The following ZNF462 variants were observed in gnomAD, a reference collection of about 807,000 sequenced individuals.
ZNF462 encodes zinc finger protein 462.
In ZNF462, 10 loss-of-function variants were observed where a neutral mutation model predicts 201.9. That is an observed-to-expected ratio of 0.05 (90% CI 0.03 to 0.08). ZNF462 has a LOEUF of 0.08. ZNF462 is among the 10% of genes least tolerant of loss of function. The pLI, the probability that ZNF462 is intolerant of heterozygous loss-of-function variation, is 1.00. For missense variants in ZNF462, 2,523 were observed against 3,168.3 expected (o/e 0.80, Z 4.89); for synonymous variants, 1,227 against 1,193.3 (o/e 1.03, Z -0.58).
intron 7 of ZNF462, among the ~76,000 whole-genome samples, chr9:106,947,183 C>T (rs993772761): frequency 3.9e-5 from 6 of 152,254 alleles, no homozygotes; most frequent in South Asian, 4.1e-4. Flanking sequence ...AAACAGTTTC[C>T]GAGTCGTCAA....
rs2131912032 is a variant in ZNF462, at chr9:106,962,275, C to T, written c.6428-9730C>T. On this transcript the variant is annotated intron_variant, in intron 7 of 12. Coordinates refer to ENST00000277225, the MANE Select transcript of ZNF462 (RefSeq NM_021224.6). This position sits in a 1 kb window ranked among gnomAD's most constrained non-coding sequence, Gnocchi z 4.6. ...AGAGTTTCTCAGGAGGCTGAACCAA[C>T]AGAGCTTTTGACTCATTGAATGTGT... Among the ~76,000 whole-genome samples the T allele has an allele frequency of 6.6e-6, 1 of 152,116 alleles. No homozygotes were observed. Among genetic ancestry groups the T allele is most frequent in the South Asian group, 2.1e-4 (1 of 4,824 alleles).
In ZNF462 at chr9:106,974,207, T is replaced by C. The variant is rs1826821252; in HGVS notation, c.6766T>C (p.Cys2256Arg). 1 of 1,614,074 alleles carries C rather than the reference T, an allele frequency of 6.2e-7. No individual in the cohort carries two copies. Among genetic ancestry groups the C allele is most frequent in the Admixed American group, 1.7e-5 (1 of 60,002 alleles). Residue 2256 changes from cysteine to arginine, a missense_variant, in exon 9 of 13, where the codon TGT (cysteine) becomes CGT (arginine). Cys to Arg is a radical substitution (Grantham distance 180). Around this residue, in one of 15 missense-constraint regions of ZNF462, gnomAD observed 228 missense variants for 361.2 expected, o/e 0.63. Coordinates refer to ENST00000277225, the MANE Select transcript of ZNF462 (RefSeq NM_021224.6). This position sits in a 1 kb window ranked among gnomAD's most constrained non-coding sequence, Gnocchi z 4.0. ...VPEEGPKDLR[C>R]PLCLYHTKYK... ...CGAGGAGGGCCCCAAAGATCTTCGC[T>C]GTCCTCTCTGCCTCTATCACACCAA...
chr9:106,867,584 AAAAC>A (rs1410941135), intron 1 of ZNF462, among the ~76,000 whole-genome samples: 1 of 152,140 alleles, frequency 6.6e-6, no homozygotes, highest in Non-Finnish European at 1.5e-5. Flanking sequence ...GAAAAAAAAA[AAAAC>A]AAACTTATCT....
rs1829868372 is a variant in ZNF462, at chr9:107,010,462, C to T, written c.7314-361C>T. Among the ~76,000 whole-genome samples, 1 of 152,076 alleles carries T rather than the reference C, an allele frequency of 6.6e-6. No homozygotes were observed. Among genetic ancestry groups the T allele is most frequent in the Admixed American group, 6.6e-5 (1 of 15,266 alleles). On this transcript the variant is annotated intron_variant, in intron 12 of 12. Transcript: ENST00000277225. The surrounding 1 kb of genome is among the most constrained non-coding windows in gnomAD (Gnocchi z 4.6). ...CAATCTCCAAGCTTCTGGGTTCAGC[C>T]GATGACTCTGAGCATAAGACAATTC...
Position 107,009,359 on chromosome 9 carries a change from T to C in ZNF462, c.7190-186T>C. 1 of 691,140 alleles carries C rather than the reference T, an allele frequency of 1.4e-6. No individual in the cohort carries two copies. Among genetic ancestry groups the C allele is most frequent in the Non-Finnish European group, 2.3e-6 (1 of 442,588 alleles). 42.8% of individuals were successfully genotyped at this position (691,140 alleles called of 1,614,324 possible). A position where few individuals can be genotyped will look rare whatever the true frequency, so the allele number is the denominator to read the frequency against. On this transcript the variant is annotated intron_variant, in intron 11 of 12. Transcript: ENST00000277225. The surrounding 1 kb of genome is among the most constrained non-coding windows in gnomAD (Gnocchi z 6.1). ...CTTGGGGCCCAAGAACCAGAAACAG[T>C]TCTCGAATGCTATTCAAGGAATGCC...
At chr9:106,871,668 A>G (rs1209514953) in intron 1 of ZNF462, among the ~76,000 whole-genome samples, 1 of 152,226 alleles carries the variant, frequency 6.6e-6, no homozygotes, top group Non-Finnish European at 1.5e-5. Context: ...GGTTTGGAGG[A>G]CAATTTATGT....
At chr9:106,915,577 A>C (rs748617776) in intron 1 of ZNF462, among the ~76,000 whole-genome samples, 9 of 152,188 alleles carry the variant, frequency 5.9e-5, no homozygotes, top group Non-Finnish European at 1.3e-4. Context: ...AGGTTGCATT[A>C]ATTTGTTGAA....
At chr9:106,912,410 G>T (rs997071854) in intron 1 of ZNF462, among the ~76,000 whole-genome samples, 4 of 152,150 alleles carry the variant, frequency 2.6e-5, no homozygotes, top group Non-Finnish European at 4.4e-5. Context: ...GCAAAAAAAT[G>T]GATTTTGTAC....
chr9:106,909,131 T>C (rs1277960495), intron 1 of ZNF462, among the ~76,000 whole-genome samples: 4 of 150,260 alleles, frequency 2.7e-5, no homozygotes, highest in African/African-American at 7.3e-5. Flanking sequence ...ACCTGGCTAA[T>C]TTTTGTATTT....
At chr9:106,914,198 C>T (rs1829672306) in intron 1 of ZNF462, among the ~76,000 whole-genome samples, 1 of 140,364 alleles carries the variant, frequency 7.1e-6, no homozygotes, top group Non-Finnish European at 1.6e-5. Flanking sequence ...TCTAAGGATC[C>T]AGAGACTCCC....
chr9:106,991,848 A>G (rs920249012), intron 10 of ZNF462, among the ~76,000 whole-genome samples: 6 of 137,858 alleles, frequency 4.4e-5, no homozygotes, highest in African/African-American at 1.8e-4. Flanking sequence ...CTACACACAC[A>G]CACACACACA....
At chr9:106,867,076 GA>G (rs1260173681) in intron 1 of ZNF462, among the ~76,000 whole-genome samples, 1 of 152,000 alleles carries the variant, frequency 6.6e-6, no homozygotes, top group African/African-American at 2.4e-5. Context: ...TTCTGGAAGG[GA>G]AAAAATAGGT....
At chr9:106,863,560 CAGGAGGGGG>C (rs1827150502) in intron 1 of ZNF462, among the ~76,000 whole-genome samples, 2 of 115,776 alleles carry the variant, frequency 1.7e-5, no homozygotes, top group Non-Finnish European at 1.8e-5. Flanking sequence ...GGAGGGAGAG[CAGGAGGGGG>C]AGGAGGAAGA....
At position 107,011,183 on chromosome 9, in the gene ZNF462, G is replaced by C; in HGVS notation, c.*153G>C. The C allele has an allele frequency of 1.6e-6, 1 of 637,524 alleles. No homozygotes were observed. The highest frequency in any genetic ancestry group is 2.7e-6 in the Non-Finnish European group (1 of 371,948). 39.5% of individuals were successfully genotyped at this position (637,524 alleles called of 1,614,324 possible). On this transcript the variant is annotated 3_prime_UTR_variant, in exon 13 of 13. Coordinates refer to ENST00000277225, the MANE Select transcript of ZNF462 (RefSeq NM_021224.6). This position sits in a 1 kb window ranked among gnomAD's most constrained non-coding sequence, Gnocchi z 5.6. The stretch of plus-strand genomic sequence containing the variant: ...ATCTATTTTCAAAGCACTGGTACCT[G>C]TGTGAGTGAGTATGTAAATTAAAGT...
intron 1 of ZNF462, among the ~76,000 whole-genome samples, chr9:106,894,115 G>GT (rs2131088378): frequency 6.6e-6 from 1 of 152,324 alleles, no homozygotes; most frequent in East Asian, 1.9e-4. Flanking sequence ...GCAGAGAGAG[G>GT]TTATACAACT....
In ZNF462 at chr9:106,927,981, C is replaced by T; in HGVS notation, c.4069C>T (p.Pro1357Ser). The change falls in exon 3 of 13, where the codon CCT (proline) becomes TCT (serine). Residue 1357 changes from proline (P) to serine (S), a missense_variant. Pro to Ser is a moderately conservative substitution (Grantham distance 74, BLOSUM62 -1). This residue lies in a region of ZNF462 where 165 missense variants were observed against 142.6 expected (regional missense o/e 1.16). Transcript: ENST00000277225. The stretch of plus-strand genomic sequence containing the variant: ...ACTGTGGGCTGGGCCAGACCCATCC[C>T]CTCCCTCTCTCACAATGCCAGCCGA... ...TKLWAGPDPS[P>S]PSLTMPAEAK... 1.2e-6 allele frequency: 2 copies of T among 1,614,172 alleles called. No homozygotes were observed. Among genetic ancestry groups the T allele is most frequent in the Middle Eastern group, 1.6e-4 (1 of 6,062 alleles).
chr9:106,892,134 A>G (rs1828605579), intron 1 of ZNF462, among the ~76,000 whole-genome samples: 1 of 152,230 alleles, frequency 6.6e-6, no homozygotes, highest in Non-Finnish European at 1.5e-5. Flanking sequence ...GCCCAAGGTC[A>G]TTGGTAGAAC....
At position 106,928,681 on chromosome 9, in the gene ZNF462, A is replaced by G; in HGVS notation, c.4769A>G (p.Glu1590Gly). The change falls in exon 3 of 13, where the codon GAG (glutamate) becomes GGG (glycine). Residue 1590 changes from glutamate (E) to glycine (G), a missense_variant. This residue lies in a region of ZNF462 where 200 missense variants were observed against 281.3 expected (regional missense o/e 0.71). Coordinates refer to ENST00000277225, the MANE Select transcript of ZNF462 (RefSeq NM_021224.6). This position sits in a 1 kb window ranked among gnomAD's most constrained non-coding sequence, Gnocchi z 9.3. The part of the protein sequence containing the change: ...KLCPYTHGTL[E>G]KLKIHYEKYH... ...TGTCCGTACACACACGGCACTTTGG[A>G]GAAACTAAAAATCCACTACGAGAAG... The G allele has an allele frequency of 6.2e-7, 1 of 1,614,090 alleles. No individual in the cohort carries two copies. The highest frequency in any genetic ancestry group is 8.5e-7 in the Non-Finnish European group (1 of 1,180,030).
intron 10 of ZNF462, among the ~76,000 whole-genome samples, chr9:106,987,394 G>A (rs190955867): frequency 1.6e-4 from 25 of 152,164 alleles, no homozygotes; most frequent in African/African-American, 5.5e-4. Flanking sequence ...TTGTGGTTTC[G>A]ATTTGCATTT....
Sources: allele counts gnomAD v4.1 joint callset (sites outside exome capture counted in the v4.1 genomes callset), GRCh38; gene constraint gnomAD v4.1.1; regional missense constraint gnomAD v4.1.1; non-coding constraint Gnocchi (gnomAD v3.1); transcripts MANE v1.5; gene names NCBI Gene and HGNC (gene_info 2026-07-23, HGNC 2026-07-21).